The following FN1 variants were observed in gnomAD, a reference collection of about 807,000 sequenced individuals.
FN1 encodes the protein fibronectin 1, also known as fibronectin.
A neutral mutation model predicts 297.3 loss-of-function variants in FN1; 106 were observed. The observed-to-expected ratio is 0.36, with a 90% CI of 0.30 to 0.42. The LOEUF is 0.42. Ranked by LOEUF, FN1 falls within the 10% of genes least tolerant of loss-of-function variation. The pLI is 1.00. For missense variants in FN1, 2,690 were observed against 3,124.9 expected (o/e 0.86, Z 3.32); for synonymous variants, 1,149 against 1,152.6 (o/e 1.00, Z 0.06).
intron 34 of FN1, among the ~76,000 whole-genome samples, chr2:215,378,834 T>A (rs576599775): frequency 6.6e-6 from 1 of 152,164 alleles, no homozygotes; most frequent in African/African-American, 2.4e-5. Flanking sequence ...CTAAGTCGAT[T>A]TATGCATTCA....
In FN1 at chr2:215,376,551, T is replaced by C; in HGVS notation, c.5834A>G (p.Gln1945Arg). 1 of 1,614,146 alleles carries C rather than the reference T, an allele frequency of 6.2e-7. No individual in the cohort carries two copies. Among genetic ancestry groups the C allele is most frequent in the Non-Finnish European group, 8.5e-7 (1 of 1,180,012 alleles). The change falls in exon 36 of 46, where the codon CAG (glutamine) becomes CGG (arginine). Residue 1945 changes from glutamine (Q) to arginine (R), a missense_variant. Coordinates refer to ENST00000354785, the MANE Select transcript of FN1 (RefSeq NM_212482.4). ...FQVDAVPANGQTPIQRTIKPD... is the reference protein window; with the variant it reads ...FQVDAVPANGRTPIQRTIKPD... ...CTTGATGGTTCTCTGGATTGGAGTCTGGCCATTGGCTGGAACGGCATCAAC... is the reference window on the plus strand; with the variant it reads ...CTTGATGGTTCTCTGGATTGGAGTCCGGCCATTGGCTGGAACGGCATCAAC...
chr2:215,368,022 C>G lies in FN1; in HGVS notation c.6859G>C (p.Glu2287Gln). 2 of 1,614,058 alleles carry G rather than the reference C, an allele frequency of 1.2e-6. No homozygotes were observed. The highest frequency in any genetic ancestry group is 1.7e-6 in the Non-Finnish European group (2 of 1,179,968). ...EVVTVGNSVN[E>Q]GLNQPTDDSC... ...TCATCCGTAGGTTGGTTCAAGCCTT[C>G]GTTGACTATGAAGAAAAGGAAGAAA... Residue 2287 changes from glutamate to glutamine, a missense_variant, in exon 42 of 46, where the codon GAA (glutamate) becomes CAA (glutamine). Glu to Gln is a conservative substitution (Grantham distance 29). Transcript: ENST00000354785.
intron 37 of FN1, 55 bp from the exon 38 acceptor site, chr2:215,375,448 C>T (rs1018638278): frequency 6.6e-6 from 10 of 1,521,868 alleles, no homozygotes; most frequent in Non-Finnish European, 9.0e-6. Flanking sequence ...GAAAATTACT[C>T]CCACACTTTT....
intron 6 of FN1, 118 bp from the exon 7 acceptor site, chr2:215,425,403 G>T: frequency 9.8e-7 from 1 of 1,022,522 alleles, no homozygotes. Context: ...GTCGCTACTG[G>T]CCTGGGACTG....
intron 40 of FN1, 103 bp from the exon 41 acceptor site, chr2:215,370,535 G>T: frequency 2.7e-5 from 15 of 558,356 alleles, no homozygotes; most frequent in South Asian, 3.4e-5. Context: ...CAAAGCAAAG[G>T]AAGACAAAAA....
At position 215,408,285 on chromosome 2, in the gene FN1, A is replaced by G. The variant is rs1468740872; in HGVS notation, c.2428+13T>C. 6.2e-7 allele frequency: 1 copy of G among 1,614,040 alleles called. No homozygotes were observed. The highest frequency in any genetic ancestry group is 8.5e-7 in the Non-Finnish European group (1 of 1,179,978). On this transcript the variant is annotated intron_variant, in intron 16 of 45. Transcript: ENST00000354785. ...GAAAAAGATTCTTTTAACACTATGTAGCACACATGTACCTGTTGTTTGTGA... is the reference window on the plus strand; with the variant it reads ...GAAAAAGATTCTTTTAACACTATGTGGCACACATGTACCTGTTGTTTGTGA...
At chr2:215,386,475 C>T (rs1486907128) in intron 28 of FN1, among the ~76,000 whole-genome samples, 1 of 151,546 alleles carries the variant, frequency 6.6e-6, no homozygotes, top group African/African-American at 2.4e-5. Context: ...ATCTTCTTTA[C>T]TGCCACCACG....
chr2:215,395,255 A>G (rs2177736), intron 23 of FN1, among the ~76,000 whole-genome samples: 23 of 152,346 alleles, frequency 1.5e-4, no homozygotes, highest in African/African-American at 5.5e-4. Flanking sequence ...AAAAGGTGAG[A>G]AACAAAAGTG....
intron 44 of FN1, 68 bp from the exon 45 acceptor site, chr2:215,362,147 T>G (rs569093565): frequency 8.2e-7 from 1 of 1,220,846 alleles, no homozygotes; most frequent in African/African-American, 1.5e-5. Flanking sequence ...ATTTAGTGTT[T>G]GAGTTAAAGA....
rs1207025522 is a variant in FN1 at position 215,394,519 on chromosome 2, T to A, written c.3796+9A>T. On this transcript the variant is annotated intron_variant, in intron 24 of 45. Transcript: ENST00000354785. ...TCACTCTCAGGATAGCAGCTTATTT[T>A]TCTATTACCTGGGATGATGGTATCA... 3 of 1,608,330 alleles carry A rather than the reference T, an allele frequency of 1.9e-6. No homozygotes were observed. In the Admixed American group the frequency reaches 5.0e-5, roughly 27 times the overall value.
rs562865276 is a variant in FN1 at position 215,416,211 on chromosome 2, A to T, written c.1820-1253T>A. Among the ~76,000 whole-genome samples, 6 of 152,308 alleles carry T rather than the reference A, an allele frequency of 3.9e-5. No individual in the cohort carries two copies. In the East Asian group the frequency reaches 5.8e-4, roughly 15 times the overall value. On this transcript the variant is annotated intron_variant, in intron 12 of 45. Coordinates refer to ENST00000354785, the MANE Select transcript of FN1 (RefSeq NM_212482.4). ...ATATGCTCACTTCCACACCAGTAAC[A>T]ATTCAAAGTTGGTTGAAGATTAGCA...
At chr2:215,390,564 G>A (rs2059600313) in intron 26 of FN1, among the ~76,000 whole-genome samples, 1 of 152,170 alleles carries the variant, frequency 6.6e-6, no homozygotes, top group South Asian at 2.1e-4. Context: ...GTAGCATTAG[G>A]ATTATAATAA....
intron 33 of FN1, chr2:215,379,538 T>C: frequency 3.9e-6 from 2 of 508,462 alleles, no homozygotes; most frequent in South Asian, 5.1e-5. Flanking sequence ...TCAGAATCAC[T>C]GAAAACATTT....
chr2:215,397,323 C>T (rs2060417982), intron 22 of FN1, 100 bp from the exon 23 acceptor site: 1 of 780,126 alleles, frequency 1.3e-6, no homozygotes, highest in Non-Finnish European at 2.3e-6. Context: ...ATGCTTCTTC[C>T]CTCCCTCCCT....
At chr2:215,390,303 A>G (rs1017127380) in intron 26 of FN1, among the ~76,000 whole-genome samples, 3 of 151,988 alleles carry the variant, frequency 2.0e-5, no homozygotes, top group African/African-American at 7.3e-5. Flanking sequence ...TCCTACCTCA[A>G]CTTCCTACAT....
chr2:215,386,854 G>A lies in FN1; in HGVS notation c.4447C>T (p.His1483Tyr), dbSNP rs767585136. Reference sequence around the variant, plus strand: ...CTCCCACTGAAGTGCTCGGGATGATGGCGGATCCTGTAGCCAGTGATGGTG... The same window carrying A: ...CTCCCACTGAAGTGCTCGGGATGATAGCGGATCCTGTAGCCAGTGATGGTG... ...RATITGYRIR[H>Y]HPEHFSGRPR... is the part of the protein sequence containing the mutation. Residue 1483 changes from histidine (H) to tyrosine (Y), a missense_variant, in exon 28 of 46, where the codon CAT becomes TAT. Transcript: ENST00000354785. 1 of 1,614,020 alleles carries A rather than the reference G, an allele frequency of 6.2e-7. No individual in the cohort carries two copies. The highest frequency in any genetic ancestry group is 8.5e-7 in the Non-Finnish European group (1 of 1,179,982).
intron 24 of FN1, 31 bp downstream of exon 24, chr2:215,394,497 C>T (rs368515802): frequency 6.4e-7 from 1 of 1,551,352 alleles, no homozygotes; most frequent in Non-Finnish European, 8.9e-7. Flanking sequence ...GGAAGTGTCA[C>T]TCTCAGGATA....
At chr2:215,425,971 G>A (rs1220489933) in intron 6 of FN1, among the ~76,000 whole-genome samples, 5 of 152,118 alleles carry the variant, frequency 3.3e-5, no homozygotes, top group Admixed American at 3.3e-4. Context: ...TCATCAGAGG[G>A]TGCCTTCAGC....
At chr2:215,395,460 G>A (rs1443704767) in intron 23 of FN1, among the ~76,000 whole-genome samples, 2 of 151,564 alleles carry the variant, frequency 1.3e-5, no homozygotes, top group African/African-American at 4.9e-5. Flanking sequence ...AATCGCTTGA[G>A]CCCAGGAGAC....
Sources: allele counts gnomAD v4.1 joint callset (sites outside exome capture counted in the v4.1 genomes callset), GRCh38; gene constraint gnomAD v4.1.1; transcripts MANE v1.5; gene names NCBI Gene and HGNC (gene_info 2026-07-23, HGNC 2026-07-21).